The following GALNT10 variants were observed in gnomAD, a reference collection of about 807,000 sequenced individuals.
The protein encoded by GALNT10 is GalNAc transferase 10.
GALNT10 carries 41 observed loss-of-function variants against 75.0 expected under a neutral mutation model. The ratio of observed to expected loss-of-function variants is 0.55; its 90% CI spans 0.43 to 0.71. The LOEUF (loss-of-function observed/expected upper bound fraction) is 0.71, where lower values mean the gene tolerates loss of function less well. GALNT10 is among the 30% of genes least tolerant of loss of function. GALNT10 has a pLI of 0.00. For synonymous variants in GALNT10, 302 were observed against 313.0 expected (o/e 0.96, Z 0.37); for missense variants, 727 against 818.5 (o/e 0.89, Z 1.36).
chr5:154,270,158 C>G (rs1229341459), intron 1 of GALNT10, among the ~76,000 whole-genome samples: 1 of 151,568 alleles, frequency 6.6e-6, no homozygotes, highest in Non-Finnish European at 1.5e-5. Flanking sequence ...TGGCTTCAAA[C>G]TGGAGCTTCT....
At chr5:154,259,909 C>G (rs905971546) in intron 1 of GALNT10, among the ~76,000 whole-genome samples, 11 of 152,158 alleles carry the variant, frequency 7.2e-5, no homozygotes, top group African/African-American at 2.7e-4. Flanking sequence ...AGTCACTGTG[C>G]TAAATCTAGG....
At chr5:154,373,383 A>T (rs949946911) in intron 4 of GALNT10, among the ~76,000 whole-genome samples, 1 of 152,214 alleles carries the variant, frequency 6.6e-6, no homozygotes, top group Non-Finnish European at 1.5e-5. Context: ...CGAGGCAGAC[A>T]TGAAGTTTGG....
Position 154,298,214 on chromosome 5 carries a change from G to A in GALNT10, c.401+135G>A, listed in dbSNP as rs980212167. ...CTCTTTCACAGGCATTTGTGCAAAG[G>A]TTCATGGTGTTGAGGGGTAGGAGAT... On this transcript the variant is annotated intron_variant, in intron 3 of 11. Transcript: ENST00000297107. This position sits in a 1 kb window ranked among gnomAD's most constrained non-coding sequence, Gnocchi z 4.1. The A allele has an allele frequency of 6.3e-6, 5 of 789,224 alleles. No individual in the cohort carries two copies. The highest frequency in any genetic ancestry group is 8.4e-6 in the Non-Finnish European group (4 of 475,694). The allele number at this position is 789,224 out of a possible 1,614,324, so 48.9% of individuals were successfully genotyped here.
At chr5:154,372,148 G>C (rs146065672) in intron 4 of GALNT10, among the ~76,000 whole-genome samples, 25 of 152,284 alleles carry the variant, frequency 1.6e-4, no homozygotes, top group African/African-American at 6.0e-4. Context: ...TCCAATACCT[G>C]CCACTTACTG....
intron 1 of GALNT10, among the ~76,000 whole-genome samples, chr5:154,259,353 T>C (rs1351783096): frequency 6.6e-6 from 1 of 152,190 alleles, no homozygotes; most frequent in African/African-American, 2.4e-5. Context: ...GTTTACCTTC[T>C]CCTTGCATCA....
At chr5:154,297,626 G>C (rs575094537) in intron 2 of GALNT10, among the ~76,000 whole-genome samples, 1 of 152,276 alleles carries the variant, frequency 6.6e-6, no homozygotes, top group South Asian at 2.1e-4. Context: ...GACGGAGTGA[G>C]GGGAGCATGG....
chr5:154,205,270 G>A (rs1775089240), intron 1 of GALNT10, among the ~76,000 whole-genome samples: 1 of 152,188 alleles, frequency 6.6e-6, no homozygotes, highest in Non-Finnish European at 1.5e-5. Flanking sequence ...CCTGTCCTCA[G>A]TCCACGTGGC....
intron 8 of GALNT10, among the ~76,000 whole-genome samples, chr5:154,405,566 G>A (rs1035520193): frequency 2.0e-5 from 3 of 152,244 alleles, no homozygotes; most frequent in South Asian, 2.1e-4. Context: ...CGCTCTCTCG[G>A]TACGCCCAAG....
At chr5:154,203,527 T>C (rs1392759440) in intron 1 of GALNT10, among the ~76,000 whole-genome samples, 1 of 152,224 alleles carries the variant, frequency 6.6e-6, no homozygotes, top group Non-Finnish European at 1.5e-5. Flanking sequence ...TAAGAATTTC[T>C]TGAGTACCCT....
intron 4 of GALNT10, among the ~76,000 whole-genome samples, chr5:154,342,740 A>G (rs1755053494): frequency 6.6e-6 from 1 of 152,194 alleles, no homozygotes; most frequent in Non-Finnish European, 1.5e-5. Context: ...GTCTTGTCCT[A>G]AATAATTGCC....
In GALNT10 at chr5:154,319,955, G is replaced by C. The variant is rs35206286; in HGVS notation, c.402-9617G>C. On this transcript the variant is annotated intron_variant, in intron 3 of 11. Transcript: ENST00000297107. ...GCCTAATAAGAGGCGGAGAAAAGGG[G>C]CTTTGCTTGGGCTCTCAACTGGAAG... Among the ~76,000 whole-genome samples the C allele has an allele frequency of 3.7e-4, 56 of 152,254 alleles. 1 individual carries two copies. In the East Asian group the frequency reaches 0.011, roughly 29 times the overall value.
At chr5:154,284,445 AT>A (rs200911152) in intron 1 of GALNT10, among the ~76,000 whole-genome samples, 3,408 of 152,286 alleles carry the variant, frequency 0.022, 72 homozygotes, top group Non-Finnish European at 0.031. Context: ...CAGCTAGGAG[AT>A]TAATAGGATG....
chr5:154,338,707 T>G (rs1018423479), intron 4 of GALNT10, among the ~76,000 whole-genome samples: 3 of 152,262 alleles, frequency 2.0e-5, no homozygotes, highest in African/African-American at 7.2e-5. Flanking sequence ...TTCACTTAAC[T>G]TTTTACAGTC....
rs115158424 is a variant in GALNT10, at chr5:154,294,704, C to T, written c.160-112C>T. On this transcript the variant is annotated intron_variant, in intron 1 of 11. Coordinates refer to ENST00000297107, the MANE Select transcript of GALNT10 (RefSeq NM_198321.4). ...ATGCTGAGGGAGTGGATAAAGGAAC[C>T]CAGGATGACAGGCATTTGGTCAATA... 6.5e-4 allele frequency: 378 copies of T among 584,066 alleles called. 1 individual carries two copies. Among genetic ancestry groups the T allele is most frequent in the African/African-American group, 6.3e-3 (337 of 53,186 alleles). 36.2% of individuals were successfully genotyped at this position (584,066 alleles called of 1,614,324 possible).
intron 1 of GALNT10, among the ~76,000 whole-genome samples, chr5:154,210,290 CACTCTCATT>C (rs1775174661): frequency 6.6e-6 from 1 of 152,172 alleles, no homozygotes; most frequent in Non-Finnish European, 1.5e-5. Flanking sequence ...TGGCACATGT[CACTCTCATT>C]ACATGGAGCA....
rs554478834 is a variant in GALNT10, at chr5:154,363,760, C to G, written c.569-12517C>G. Among the ~76,000 whole-genome samples the G allele has an allele frequency of 1.8e-4, 27 of 152,284 alleles. No homozygotes were observed. In the South Asian group the frequency reaches 5.6e-3, roughly 32 times the overall value. ...GATAAATATCCTGCCCAGATGATAGCATTTGCTTCCTGACGCTACCTCCTA... is the reference window on the plus strand; with the variant it reads ...GATAAATATCCTGCCCAGATGATAGGATTTGCTTCCTGACGCTACCTCCTA... On this transcript the variant is annotated intron_variant, in intron 4 of 11. Transcript: ENST00000297107.
At chr5:154,217,730 G>A (rs151176668) in intron 1 of GALNT10, among the ~76,000 whole-genome samples, 1 of 152,354 alleles carries the variant, frequency 6.6e-6, no homozygotes, top group Non-Finnish European at 1.5e-5. Flanking sequence ...CCTGCAGTAA[G>A]GAAGGCCTGA....
intron 1 of GALNT10, among the ~76,000 whole-genome samples, chr5:154,217,268 G>T (rs112138966): frequency 6.6e-6 from 1 of 152,006 alleles, no homozygotes; most frequent in African/African-American, 2.4e-5. Flanking sequence ...AGTGGCTTCC[G>T]CCTAAAGCCT....
In GALNT10 at chr5:154,329,586, GC is replaced by G; in HGVS notation, c.417del (p.Tyr140ThrfsTer53). On this transcript the variant is annotated frameshift_variant, in exon 4 of 12. Coordinates refer to ENST00000297107, the MANE Select transcript of GALNT10 (RefSeq NM_198321.4). LOFTEE classifies it high-confidence loss of function. ...DIRHPNCNSK[R>X]YLETLPNTSI... Reference sequence around the variant, plus strand: ...TTTCCCTCTAGCTGCAACAGCAAGCGCTACCTGGAGACACTTCCCAACACAA... The same window carrying G: ...TTTCCCTCTAGCTGCAACAGCAAGCGTACCTGGAGACACTTCCCAACACAA... The G allele has an allele frequency of 6.2e-7, 1 of 1,613,792 alleles. No individual in the cohort carries two copies. The highest frequency in any genetic ancestry group is 8.5e-7 in the Non-Finnish European group (1 of 1,179,776).
Sources: allele counts gnomAD v4.1 joint callset (sites outside exome capture counted in the v4.1 genomes callset), GRCh38; gene constraint gnomAD v4.1.1; non-coding constraint Gnocchi (gnomAD v3.1); transcripts MANE v1.5; gene names NCBI Gene and HGNC (gene_info 2026-07-23, HGNC 2026-07-21).